SEC16A: variants seen among roughly 807,000 people sequenced by gnomAD.
The protein encoded by SEC16A is SEC16 homolog A, endoplasmic reticulum export factor.
A neutral mutation model predicts 221.9 loss-of-function variants in SEC16A; 110 were observed. The ratio of observed to expected loss-of-function variants is 0.50; its 90% CI spans 0.42 to 0.58. SEC16A has a LOEUF of 0.58. SEC16A is among the 20% of genes least tolerant of loss of function. The probability of loss-of-function intolerance (pLI) is 0.00; values close to 1 mark genes in which losing one functional copy is unlikely to be tolerated. For missense variants in SEC16A, 3,165 were observed against 3,097.8 expected (o/e 1.02, Z -0.52); for synonymous variants, 1,393 against 1,257.7 (o/e 1.11, Z -2.28).
Position 136,475,322 on chromosome 9 carries a change from A to T in SEC16A, c.2294T>A (p.Met765Lys). The T allele has an allele frequency of 6.2e-7, 1 of 1,612,888 alleles. No homozygotes were observed. The highest frequency in any genetic ancestry group is 8.5e-7 in the Non-Finnish European group (1 of 1,179,266). Residue 765 changes from methionine (M) to lysine (K), a missense_variant, in exon 3 of 32, where the codon ATG becomes AAG. Met to Lys is a moderately conservative substitution (Grantham distance 95, BLOSUM62 -1). Around this residue, in one of 3 missense-constraint regions of SEC16A, gnomAD observed 2,030 missense variants for 1,923.1 expected, o/e 1.06. Transcript: ENST00000684901. The surrounding 1 kb of genome is among the most constrained non-coding windows in gnomAD (Gnocchi z 5.0). ...PPVVQPPEEAMSGQQSRNPSS... is the reference protein window; with the variant it reads ...PPVVQPPEEAKSGQQSRNPSS... ...TGGGTTCCGTGACTGCTGCCCGGAC[A>T]TCGCCTCTTCTGGAGGCTGAACAAC...
At chr9:136,463,787 C>T in intron 9 of SEC16A, 47 bp from the exon 10 acceptor site, 1 of 1,603,924 alleles carries the variant, frequency 6.2e-7, no homozygotes, top group Non-Finnish European at 8.5e-7. Context: ...GCGCAGCCAC[C>T]CTGCTGGCAG....
chr9:136,445,987 G>A (rs920081291), intron 28 of SEC16A, among the ~76,000 whole-genome samples: 1 of 152,140 alleles, frequency 6.6e-6, no homozygotes, highest in African/African-American at 2.4e-5. Context: ...CCATTTTACA[G>A]AGGGGAAAAC....
intron 22 of SEC16A, among the ~76,000 whole-genome samples, chr9:136,453,153 G>C (rs1838113601): frequency 6.6e-6 from 1 of 151,566 alleles, no homozygotes; most frequent in African/African-American, 2.4e-5. Context: ...AAATTAATAA[G>C]GGGATTTCAT....
chr9:136,459,576 ACACGGCGGGGGCT>A lies in SEC16A; in HGVS notation c.5192-34_5192-22del, dbSNP rs1203968986. 6.4e-7 allele frequency: 1 copy of A among 1,552,588 alleles called. No individual in the cohort carries two copies. Among genetic ancestry groups the A allele is most frequent in the South Asian group, 1.2e-5 (1 of 85,554 alleles). ...TGAAGCTGCGGAGAGACGACACGACACACGGCGGGGGCTCAGCGACCGGGAGCGCTTGCAGAAG... is the reference window on the plus strand; with the variant it reads ...TGAAGCTGCGGAGAGACGACACGACACAGCGACCGGGAGCGCTTGCAGAAG... On this transcript the variant is annotated intron_variant, in intron 15 of 31. Transcript: ENST00000684901. The surrounding 1 kb of genome is among the most constrained non-coding windows in gnomAD (Gnocchi z 6.1).
chr9:136,453,763 C>T (rs931930469), intron 21 of SEC16A, among the ~76,000 whole-genome samples: 1 of 152,212 alleles, frequency 6.6e-6, no homozygotes, highest in African/African-American at 2.4e-5. Flanking sequence ...TCCACCAAAT[C>T]GAGTTCCAGA....
intron 23 of SEC16A, chr9:136,448,789 G>A (rs1411898333): frequency 1.8e-5 from 13 of 714,550 alleles, no homozygotes; most frequent in East Asian, 1.3e-4. Flanking sequence ...TGGAGGTGGG[G>A]AGCAGATCCA....
chr9:136,470,306 G>C (rs1287730111), intron 4 of SEC16A, among the ~76,000 whole-genome samples: 1 of 152,216 alleles, frequency 6.6e-6, no homozygotes. Flanking sequence ...CTGGTGAAAG[G>C]CCTTCTCCGT....
Position 136,451,237 on chromosome 9 carries a change from C to A in SEC16A, c.6312+19G>T, listed in dbSNP as rs141837645. 2.1e-5 allele frequency: 33 copies of A among 1,605,164 alleles called. No individual in the cohort carries two copies. The highest frequency in any genetic ancestry group is 2.7e-5 in the Non-Finnish European group (32 of 1,175,840). On this transcript the variant is annotated intron_variant, in intron 23 of 31. Transcript: ENST00000684901. Reference sequence around the variant, plus strand: ...AAACCCTCCCGGCCGCCAGGCGCACCGTGGGCAGGCTGTACTACCTTCTTA... The same window carrying A: ...AAACCCTCCCGGCCGCCAGGCGCACAGTGGGCAGGCTGTACTACCTTCTTA...
chr9:136,479,917 G>A (rs1297340208), intron 1 of SEC16A, among the ~76,000 whole-genome samples: 4 of 152,002 alleles, frequency 2.6e-5, no homozygotes, highest in Middle Eastern at 3.4e-3. Flanking sequence ...TGGGAAGATC[G>A]CTTGAGCCAG....
intron 21 of SEC16A, among the ~76,000 whole-genome samples, 186 bp from the exon 22 acceptor site, chr9:136,453,696 A>C (rs919636454): frequency 4.6e-5 from 7 of 152,146 alleles, no homozygotes; most frequent in Non-Finnish European, 8.8e-5. Context: ...AACTAGGCCT[A>C]TGTTTTGCTT....
intron 4 of SEC16A, among the ~76,000 whole-genome samples, chr9:136,470,912 A>T (rs1671393275): frequency 6.6e-6 from 1 of 152,228 alleles, no homozygotes; most frequent in South Asian, 2.1e-4. Context: ...CACAAGGAGC[A>T]AGTGCAGCTA....
At chr9:136,463,374 C>A in intron 11 of SEC16A, 89 bp downstream of exon 11, 1 of 1,529,036 alleles carries the variant, frequency 6.5e-7, no homozygotes, top group Middle Eastern at 1.9e-4. Context: ...CCACGCGGAT[C>A]CCGCCCTGCT....
intron 13 of SEC16A, 77 bp downstream of exon 13, chr9:136,461,100 C>T: frequency 8.8e-7 from 1 of 1,130,960 alleles, no homozygotes; most frequent in East Asian, 2.6e-5. Context: ...CTGCCGCCTG[C>T]CCCCAGGGTG....
chr9:136,468,620 T>C (rs1840457162), intron 4 of SEC16A, 108 bp from the exon 5 acceptor site: 2 of 666,528 alleles, frequency 3.0e-6, no homozygotes, highest in East Asian at 2.8e-5. Context: ...CAAAGCACTT[T>C]GGTTGTACAA....
At chr9:136,446,604 A>G (rs1275539695) in intron 28 of SEC16A, among the ~76,000 whole-genome samples, 15 of 152,146 alleles carry the variant, frequency 9.9e-5, no homozygotes, top group Admixed American at 9.8e-4. Context: ...TTAAGTTTTA[A>G]GCACATTCAC....
At chr9:136,446,805 AG>A (rs1240662818) in intron 28 of SEC16A, 49 bp downstream of exon 28, 7 of 1,537,172 alleles carry the variant, frequency 4.6e-6, no homozygotes, top group Non-Finnish European at 6.1e-6. Flanking sequence ...CAGGATGGGG[AG>A]GTGCCTCCTC....
upstream of SEC16A, chr9:136,484,522 T>C (rs777923864): frequency 3.9e-6 from 5 of 1,274,770 alleles, no homozygotes; most frequent in African/African-American, 7.6e-5. Flanking sequence ...TGCTGCTCCT[T>C]CCAGAGGGCA....
At position 136,456,040 on chromosome 9, in the gene SEC16A, G is replaced by T; in HGVS notation, c.5664+13C>A. The T allele has an allele frequency of 6.2e-7, 1 of 1,603,458 alleles. No individual in the cohort carries two copies. Among genetic ancestry groups the T allele is most frequent in the East Asian group, 2.2e-5 (1 of 44,640 alleles). On this transcript the variant is annotated intron_variant, in intron 19 of 31. Coordinates refer to ENST00000684901, the MANE Select transcript of SEC16A (RefSeq NM_014866.2). ...GCCAGACGCCTCTGTGCCACCCCAA[G>T]CCAAGGCTGTACCTTAATCTGCCGC...
rs1329020417 is a variant in SEC16A at position 136,476,626 on chromosome 9, G to A, written c.990C>T (p.Ala330=). Residue 330 remains alanine, a synonymous_variant, in exon 3 of 32, where the codon GCC becomes GCT. Coordinates refer to ENST00000684901, the MANE Select transcript of SEC16A (RefSeq NM_014866.2). ...GGGCGAGGGGGTTCACAAGAGCAGA[G>A]GCGGGCCGGTGCTCATTCTTCACTC... ...NPGVKNEHRP[A]SALVNPLARG... The A allele has an allele frequency of 1.3e-6, 2 of 1,585,238 alleles. No homozygotes were observed. The highest frequency in any genetic ancestry group is 1.7e-6 in the Non-Finnish European group (2 of 1,163,588).
Sources: allele counts gnomAD v4.1 joint callset (sites outside exome capture counted in the v4.1 genomes callset), GRCh38; gene constraint gnomAD v4.1.1; regional missense constraint gnomAD v4.1.1; non-coding constraint Gnocchi (gnomAD v3.1); transcripts MANE v1.5; gene names NCBI Gene and HGNC (gene_info 2026-07-23, HGNC 2026-07-21).